The following CRLF2 variants were observed in gnomAD, a reference collection of about 807,000 sequenced individuals.
The protein encoded by CRLF2 is cytokine receptor-like factor 2.
A neutral mutation model predicts 38.7 loss-of-function variants in CRLF2; 41 were observed. That is an observed-to-expected ratio of 1.06 (90% confidence interval 0.83 to 1.37). CRLF2 has a LOEUF of 1.37. Among genes scored for constraint, CRLF2 ranks in the 40% most tolerant of loss-of-function variants. The probability of loss-of-function intolerance (pLI) is 0.00; values close to 1 mark genes in which losing one functional copy is unlikely to be tolerated. For missense variants in CRLF2, 377 were observed against 322.2 expected, an observed-to-expected ratio of 1.17 and a Z score of -1.30; for synonymous variants, 140 against 128.8, an observed-to-expected ratio of 1.09 and a Z score of -0.59.
chrX:1,206,535 C>T lies in CRLF2; in HGVS notation c.247G>A (p.Gly83Arg). The T allele has an allele frequency of 1.2e-6, 2 of 1,613,562 alleles. No individual in the cohort carries two copies. Among genetic ancestry groups the T allele is most frequent in the Non-Finnish European group, 1.7e-6 (2 of 1,179,590 alleles). Residue 83 changes from glycine to arginine, a missense_variant, in exon 3 of 8, where the codon GGG becomes AGG. Gly to Arg is a moderately radical substitution (Grantham distance 125). Coordinates refer to ENST00000400841, the MANE Select transcript of CRLF2 (RefSeq NM_022148.4). ...NYLLQEGHTS[G>R]CLLDAEQRDD... ...CGCTGCTCTGCGTCTAGGAGGCACC[C>T]CGAAGTGTGACCTTCCTGGAGAAGG...
chrX:1,208,118 C>T (rs775896546), intron 2 of CRLF2, among the ~76,000 whole-genome samples: 1 of 152,252 alleles, frequency 6.6e-6, no homozygotes, highest in African/African-American at 2.4e-5. Context: ...ATCAGGGAGA[C>T]ACAGGGTTGG....
intron 6 of CRLF2, among the ~76,000 whole-genome samples, chrX:1,194,722 G>A (rs1459002970): frequency 6.6e-6 from 1 of 151,990 alleles, no homozygotes; most frequent in African/African-American, 2.4e-5. Flanking sequence ...TTTCAACAGG[G>A]CTGAGGTCTT....
At chrX:1,210,183 C>T (rs1326167153) in intron 1 of CRLF2, among the ~76,000 whole-genome samples, 1 of 151,410 alleles carries the variant, frequency 6.6e-6, no homozygotes, top group Admixed American at 6.6e-5. Flanking sequence ...TCTACGTTTG[C>T]TAGGAAGGTT....
chrX:1,205,399 G>A (rs2086674222), intron 3 of CRLF2, among the ~76,000 whole-genome samples: 2 of 152,172 alleles, frequency 1.3e-5, no homozygotes, highest in Admixed American at 1.3e-4. Context: ...GGTAATCATT[G>A]ATCCCGCGAC....
chrX:1,206,070 T>G (rs1458539442), intron 3 of CRLF2, among the ~76,000 whole-genome samples: 1 of 152,000 alleles, frequency 6.6e-6, no homozygotes, highest in African/African-American at 2.4e-5. Flanking sequence ...GGTAATCAGC[T>G]GAAGGAAGTA....
intron 1 of CRLF2, among the ~76,000 whole-genome samples, chrX:1,211,435 A>G (rs111161726): frequency 4.7e-4 from 43 of 92,272 alleles, no homozygotes; most frequent in South Asian, 8.0e-4. Flanking sequence ...ATGCATGGAT[A>G]GATGGATGTA....
intron 5 of CRLF2, among the ~76,000 whole-genome samples, chrX:1,197,962 A>G (rs1222340948): frequency 2.0e-5 from 3 of 152,134 alleles, no homozygotes; most frequent in African/African-American, 4.8e-5. Flanking sequence ...AGATCGCGCC[A>G]CTGCACTCCA....
At chrX:1,202,108 G>T (rs2086618590) in intron 4 of CRLF2, among the ~76,000 whole-genome samples, 1 of 151,880 alleles carries the variant, frequency 6.6e-6, no homozygotes, top group African/African-American at 2.4e-5. Context: ...CATAGATAGA[G>T]GTAGAGATAA....
chrX:1,201,539 C>CAAAG (rs1356681466), intron 4 of CRLF2, among the ~76,000 whole-genome samples: 2 of 128,146 alleles, frequency 1.6e-5, no homozygotes, highest in African/African-American at 6.7e-5. Flanking sequence ...ATAGATGATA[C>CAAAG]ATAGATGATA....
At position 1,196,887 on chromosome X, in the gene CRLF2, C is replaced by G. The variant is rs199680740; in HGVS notation, c.660G>C (p.Glu220Asp). The G allele has an allele frequency of 9.3e-6, 15 of 1,613,356 alleles. No homozygotes were observed. Among genetic ancestry groups the G allele is most frequent in the Non-Finnish European group, 1.3e-5 (15 of 1,179,660 alleles). Residue 220 changes from glutamate to aspartate, a missense_variant, in exon 6 of 8, where the codon GAG becomes GAC. Transcript: ENST00000400841. ...QRGEIRDACA[E>D]TPTPPKPKLS... ...GCTTTGGTTTGGGAGGCGTTGGTGT[C>G]TCTGCACAGGCATCTGAAACAAAAT...
At chrX:1,208,103 G>C (rs2086724680) in intron 2 of CRLF2, among the ~76,000 whole-genome samples, 1 of 152,126 alleles carries the variant, frequency 6.6e-6, no homozygotes, top group African/African-American at 2.4e-5. Flanking sequence ...TAAAAATAAA[G>C]TCACATCAGG....
In CRLF2 at chrX:1,209,535, G is replaced by C. The variant is rs146330463; in HGVS notation, c.80-627C>G. ...TTTAGTAGAGATGGGGTTTCACTGT[G>C]TTAGCCAGGATGGTCTCGATCTCCT... On this transcript the variant is annotated intron_variant, in intron 1 of 7. Coordinates refer to ENST00000400841, the MANE Select transcript of CRLF2 (RefSeq NM_022148.4). Among the ~76,000 whole-genome samples, 1,148 of 151,198 alleles carry C rather than the reference G, an allele frequency of 7.6e-3. 11 individuals carry two copies. Among genetic ancestry groups the C allele is most frequent in the Non-Finnish European group, 0.013 (882 of 67,844 alleles).
At chrX:1,204,557 A>G (rs1332961558) in intron 3 of CRLF2, among the ~76,000 whole-genome samples, 2 of 148,180 alleles carry the variant, frequency 1.3e-5, no homozygotes, top group Admixed American at 1.4e-4. Context: ...AAATTTATAA[A>G]TCGCCCAGGC....
At chrX:1,209,828 G>A (rs1314376205) in intron 1 of CRLF2, among the ~76,000 whole-genome samples, 1 of 151,910 alleles carries the variant, frequency 6.6e-6, no homozygotes, top group African/African-American at 2.4e-5. Flanking sequence ...GACTGGCCAG[G>A]TGCAGCGGCT....
At chrX:1,196,002 AT>A (rs1314989403) in intron 6 of CRLF2, among the ~76,000 whole-genome samples, 1 of 142,236 alleles carries the variant, frequency 7.0e-6, no homozygotes, top group African/African-American at 2.6e-5. Context: ...ATTTATATAT[AT>A]AATTATATAT....
intron 5 of CRLF2, among the ~76,000 whole-genome samples, chrX:1,197,570 C>T (rs776564153): frequency 1.0e-3 from 157 of 152,130 alleles, no homozygotes; most frequent in South Asian, 3.5e-3. Context: ...AATCCCAGCA[C>T]TTTGGGAGGC....
chrX:1,203,766 A>G (rs765138721), intron 3 of CRLF2, among the ~76,000 whole-genome samples: 6 of 152,266 alleles, frequency 3.9e-5, no homozygotes, highest in African/African-American at 1.4e-4. Context: ...AAACTGGGAG[A>G]GAATAAATTT....
At chrX:1,196,149 G>C (rs2086470735) in intron 6 of CRLF2, among the ~76,000 whole-genome samples, 1 of 148,448 alleles carries the variant, frequency 6.7e-6, no homozygotes, top group Non-Finnish European at 1.5e-5. Flanking sequence ...CTAAAGTGCT[G>C]GGATTACAGA....
intron 4 of CRLF2, among the ~76,000 whole-genome samples, chrX:1,199,503 G>A (rs1455362271): frequency 3.1e-4 from 47 of 151,968 alleles, no homozygotes; most frequent in Non-Finnish European, 4.3e-4. Flanking sequence ...GTTTCACCAC[G>A]TTGGCCAGGC....
Sources: gnomAD v4.1 joint callset for allele counts (sites outside exome capture counted in the v4.1 genomes callset) on GRCh38, gnomAD v4.1.1 for gene constraint, MANE v1.5 for transcripts, NCBI Gene and HGNC (gene_info 2026-07-23, HGNC 2026-07-21) for gene names.